TACC1: variants seen among roughly 807,000 people sequenced by gnomAD.
TACC1 encodes transforming acidic coiled-coil containing protein 1.
TACC1 carries 48 observed loss-of-function variants against 84.4 expected under a neutral mutation model. The ratio of observed to expected loss-of-function variants is 0.57; its 90% CI spans 0.45 to 0.72. The LOEUF (loss-of-function observed/expected upper bound fraction) is 0.72. TACC1 is among the 30% of genes least tolerant of loss of function. The pLI, the probability that TACC1 is intolerant of heterozygous loss-of-function variation, is 0.00. For missense variants in TACC1, 920 were observed against 973.0 expected, an observed-to-expected ratio of 0.95 and a Z score of 0.72; for synonymous variants, 372 against 376.3, an observed-to-expected ratio of 0.99 and a Z score of 0.13.
At chr8:38,840,762 G>T (rs983208190) in intron 9 of TACC1, 1 of 152,790 alleles carries the variant, frequency 6.5e-6, no homozygotes, top group Non-Finnish European at 1.5e-5. Context: ...ACTAAACACT[G>T]CTCCTGGCCT....
chr8:38,819,896 T>C lies in TACC1; in HGVS notation c.652T>C (p.Ser218Pro). Residue 218 changes from serine (S) to proline (P), a missense_variant, in exon 3 of 13, where the codon TCC becomes CCC. Transcript: ENST00000317827. The part of the protein sequence containing the change: ...SAEADLKAGN[S>P]CPELVPSRRS... ...AGAAGCTGATCTAAAAGCTGGCAAC[T>C]CCTGTCCAGAGCTTGTGCCCAGCAG... 3.7e-6 allele frequency: 6 copies of C among 1,614,046 alleles called. No homozygotes were observed. The highest frequency in any genetic ancestry group is 5.1e-6 in the Non-Finnish European group (6 of 1,180,034).
Position 38,827,205 on chromosome 8 carries a change from C to T in TACC1, c.1490C>T (p.Ser497Phe). 1 of 1,614,056 alleles carries T rather than the reference C, an allele frequency of 6.2e-7. No individual in the cohort carries two copies. Among genetic ancestry groups the T allele is most frequent in the South Asian group, 1.1e-5 (1 of 91,074 alleles). The part of the protein sequence containing the change: ...GAVISQISDI[S>F]NRDGHATDEE... The stretch of plus-strand genomic sequence containing the variant: ...GTGATCTCCCAGATTTCAGACATTT[C>T]TAATAGGGATGGCCATGCTACTGAT... The change falls in exon 5 of 13, where the codon TCT (serine) becomes TTT (phenylalanine). Residue 497 changes from serine to phenylalanine, a missense_variant. Ser to Phe is a radical substitution (Grantham distance 155). Coordinates refer to ENST00000317827, the MANE Select transcript of TACC1 (RefSeq NM_006283.3).
intron 3 of TACC1, among the ~76,000 whole-genome samples, chr8:38,761,624 T>C (rs1398369717): frequency 1.3e-5 from 2 of 152,222 alleles, no homozygotes; most frequent in African/African-American, 2.4e-5. Context: ...AAACATGAAT[T>C]AAAATAACTA....
intron 2 of TACC1, among the ~76,000 whole-genome samples, chr8:38,800,987 T>G (rs1251538541): frequency 1.3e-5 from 2 of 152,242 alleles, no homozygotes; most frequent in Admixed American, 6.5e-5. Context: ...TTCATTTGCA[T>G]TTCCCTAATG....
intron 2 of TACC1, among the ~76,000 whole-genome samples, chr8:38,795,957 G>A (rs1819867543): frequency 6.6e-6 from 1 of 152,158 alleles, no homozygotes; most frequent in Non-Finnish European, 1.5e-5. Flanking sequence ...TGACAGTTTG[G>A]CAGATGCAGA....
chr8:38,757,148 G>A, intron 3 of TACC1: 2 of 680,032 alleles, frequency 2.9e-6, no homozygotes, highest in Non-Finnish European at 3.9e-6. Context: ...CGGAGAAGTT[G>A]GCGGCATCTG....
At chr8:38,818,406 C>T (rs964889837) in intron 2 of TACC1, among the ~76,000 whole-genome samples, 1 of 152,136 alleles carries the variant, frequency 6.6e-6, no homozygotes, top group Non-Finnish European at 1.5e-5. Flanking sequence ...CAGATATCTA[C>T]GTTAGGAAAT....
At chr8:38,740,435 G>C (rs959372619) in intron 1 of TACC1, among the ~76,000 whole-genome samples, 5 of 152,218 alleles carry the variant, frequency 3.3e-5, no homozygotes, top group African/African-American at 1.2e-4. Flanking sequence ...ACAGAGTCTA[G>C]GGTTGCCCGC....
chr8:38,788,884 G>A (rs34210207), intron 2 of TACC1, 65 bp downstream of exon 2: 139,440 of 1,321,746 alleles, frequency 0.11, 8,254 homozygotes, highest in East Asian at 0.24. Flanking sequence ...TATCAATGAA[G>A]GAAGGAAAAA....
intron 9 of TACC1, chr8:38,840,609 A>G (rs1010831705): frequency 9.0e-5 from 18 of 199,436 alleles, no homozygotes; most frequent in Non-Finnish European, 1.6e-4. Flanking sequence ...GGGGTGGCAT[A>G]AACTATAAGA....
intron 3 of TACC1, among the ~76,000 whole-genome samples, chr8:38,779,290 T>TA (rs1439529848): frequency 3.9e-5 from 6 of 152,326 alleles, no homozygotes; most frequent in Admixed American, 3.9e-4. Flanking sequence ...GCTCTTTTTT[T>TA]ATGGTACTTT....
chr8:38,810,466 A>T (rs1397212191), intron 2 of TACC1, among the ~76,000 whole-genome samples: 1 of 152,018 alleles, frequency 6.6e-6, no homozygotes. Context: ...AGCTGGGCAC[A>T]CTGGCTGTAT....
intron 2 of TACC1, among the ~76,000 whole-genome samples, chr8:38,791,032 A>G (rs1209557658): frequency 1.3e-5 from 2 of 152,200 alleles, no homozygotes; most frequent in Non-Finnish European, 2.9e-5. Flanking sequence ...CTTTCCATCA[A>G]ATTTAAATAA....
chr8:38,805,918 A>T (rs915691173), intron 2 of TACC1, among the ~76,000 whole-genome samples: 5 of 152,140 alleles, frequency 3.3e-5, no homozygotes, highest in African/African-American at 1.2e-4. Context: ...TGTGTGTCTT[A>T]TGTGGCCCTT....
chr8:38,764,483 TTA>T (rs1278749164), intron 3 of TACC1, among the ~76,000 whole-genome samples: 1 of 151,654 alleles, frequency 6.6e-6, no homozygotes, highest in African/African-American at 2.4e-5. Context: ...TTAGTAAGGG[TTA>T]TGTTTAATTC....
rs759294453 is a variant in TACC1 at position 38,843,332 on chromosome 8, G to C, written c.2165G>C (p.Arg722Thr). The C allele has an allele frequency of 2.5e-6, 4 of 1,608,702 alleles. No homozygotes were observed. The highest frequency in any genetic ancestry group is 3.4e-6 in the Non-Finnish European group (4 of 1,177,402). The change falls in exon 11 of 13, where the codon AGA (arginine) becomes ACA (threonine). Residue 722 changes from arginine to threonine, a missense_variant. By Grantham distance (71) the Arg-to-Thr change is moderately conservative (BLOSUM62 -1). Around this residue, in one of 2 missense-constraint regions of TACC1, gnomAD observed 158 missense variants for 225.6 expected, o/e 0.70. Transcript: ENST00000317827. ...AAATGTGCTCAGGATTACTTAGCCAGAGTTAAACAAGAGGAGCAGCGATAC... is the reference window on the plus strand; with the variant it reads ...AAATGTGCTCAGGATTACTTAGCCACAGTTAAACAAGAGGAGCAGCGATAC... ...LKKCAQDYLA[R>T]VKQEEQRYQA...
At chr8:38,815,620 T>C (rs933985134) in intron 2 of TACC1, among the ~76,000 whole-genome samples, 1 of 152,154 alleles carries the variant, frequency 6.6e-6, no homozygotes, top group Admixed American at 6.5e-5. Context: ...GGTTTCACCA[T>C]GTTGGCCAGG....
At chr8:38,840,521 T>G in intron 9 of TACC1, 3 of 299,940 alleles carry the variant, frequency 1.0e-5, no homozygotes, top group Non-Finnish European at 1.3e-5. Context: ...ACCTCCCAAA[T>G]TCCCTTCCAT....
chr8:38,826,885 T>G (rs905540444), intron 4 of TACC1, among the ~76,000 whole-genome samples: 1 of 152,184 alleles, frequency 6.6e-6, no homozygotes, highest in Non-Finnish European at 1.5e-5. Context: ...GCAAAAAAAT[T>G]GAAAACCATT....
Sources: allele counts gnomAD v4.1 joint callset (sites outside exome capture counted in the v4.1 genomes callset), GRCh38; gene constraint gnomAD v4.1.1; regional missense constraint gnomAD v4.1.1; transcripts MANE v1.5; gene names NCBI Gene and HGNC (gene_info 2026-07-23, HGNC 2026-07-21).